ANO6: variants seen among roughly 807,000 people sequenced by gnomAD.
ANO6 encodes anoctamin 6.
A neutral mutation model predicts 117.5 loss-of-function variants in ANO6; 106 were observed. That is an observed-to-expected ratio of 0.90 (90% confidence interval 0.77 to 1.06). The LOEUF (loss-of-function observed/expected upper bound fraction) is 1.06, where lower values mean the gene tolerates loss of function less well. Among genes scored for constraint, ANO6 ranks in the 50% least tolerant of loss-of-function variants. The probability of loss-of-function intolerance (pLI) is 0.00; values close to 1 mark genes in which losing one functional copy is unlikely to be tolerated. For synonymous variants in ANO6, 367 were observed against 385.1 expected, an observed-to-expected ratio of 0.95 and a Z score of 0.55; for missense variants, 955 against 1,121.1, an observed-to-expected ratio of 0.85 and a Z score of 2.12.
At chr12:45,318,102 T>C (rs564818711) in intron 2 of ANO6, among the ~76,000 whole-genome samples, 1 of 152,356 alleles carries the variant, frequency 6.6e-6, no homozygotes, top group East Asian at 1.9e-4. Context: ...TAATTTCTTT[T>C]GCTGTGCAGA....
At chr12:45,319,711 C>T (rs890714347) in intron 2 of ANO6, among the ~76,000 whole-genome samples, 18 of 152,282 alleles carry the variant, frequency 1.2e-4, no homozygotes, top group African/African-American at 4.3e-4. Flanking sequence ...CCTCCTTGTA[C>T]CTCTGGTAGA....
chr12:45,240,353 T>TA, intron 1 of ANO6, among the ~76,000 whole-genome samples: 1 of 28,246 alleles, frequency 3.5e-5, no homozygotes, highest in Non-Finnish European at 6.3e-5. Flanking sequence ...AACCCCTGAT[T>TA]TTTTTTTTTT....
intron 10 of ANO6, among the ~76,000 whole-genome samples, chr12:45,378,874 A>G (rs908206064): frequency 3.3e-5 from 5 of 152,192 alleles, no homozygotes; most frequent in African/African-American, 1.2e-4. Flanking sequence ...TACTCGTATA[A>G]TAACAACAAA....
At chr12:45,249,056 A>G (rs1418933666) in intron 1 of ANO6, among the ~76,000 whole-genome samples, 2 of 152,190 alleles carry the variant, frequency 1.3e-5, no homozygotes, top group Admixed American at 6.5e-5. Flanking sequence ...AATCATCATA[A>G]TATGTGTTGG....
chr12:45,344,772 A>G (rs1026799935), intron 3 of ANO6, among the ~76,000 whole-genome samples: 5 of 152,212 alleles, frequency 3.3e-5, no homozygotes, highest in African/African-American at 1.2e-4. Flanking sequence ...CTGGGCTCCT[A>G]TGTAAGAATC....
intron 2 of ANO6, among the ~76,000 whole-genome samples, chr12:45,310,492 A>C (rs1020831203): frequency 1.3e-5 from 2 of 152,064 alleles, no homozygotes; most frequent in Non-Finnish European, 2.9e-5. Flanking sequence ...GATGATGAAG[A>C]AGCAGTGGTC....
At chr12:45,378,183 G>A in intron 10 of ANO6, 70 bp downstream of exon 10, 1 of 1,464,054 alleles carries the variant, frequency 6.8e-7, no homozygotes. Context: ...GGCTATCAAA[G>A]TAACCCACTT....
At chr12:45,421,587 G>A (rs191310786) in intron 18 of ANO6, among the ~76,000 whole-genome samples, 3 of 152,244 alleles carry the variant, frequency 2.0e-5, no homozygotes, top group Admixed American at 6.5e-5. Context: ...AGTTTCAAAC[G>A]ATTACAGGGA....
chr12:45,388,056 G>A, intron 10 of ANO6, 105 bp from the exon 11 acceptor site: 1 of 1,462,040 alleles, frequency 6.8e-7, no homozygotes, highest in Non-Finnish European at 9.5e-7. Context: ...TTATAGCAGT[G>A]TGAAAACAGG....
intron 17 of ANO6, among the ~76,000 whole-genome samples, chr12:45,419,591 T>C (rs1226650774): frequency 6.6e-6 from 1 of 152,200 alleles, no homozygotes; most frequent in Non-Finnish European, 1.5e-5. Context: ...TGCCTGAGAT[T>C]TGGTTTGTGG....
In ANO6 at chr12:45,429,238, C is replaced by T. The variant is rs762122053; in HGVS notation, c.2660C>T (p.Thr887Met). ...CATGAGAATCACCTCAAAGATATGA[C>T]GAAAAATATGGGGGTGATAGCTGAG... The part of the protein sequence containing the change: ...LLHENHLKDM[T>M]KNMGVIAERM... The change falls in exon 20 of 20, where the codon ACG becomes ATG. Residue 887 changes from threonine (T) to methionine (M), a missense_variant. Thr to Met is a moderately conservative substitution (Grantham distance 81). Coordinates refer to ENST00000320560, the MANE Select transcript of ANO6 (RefSeq NM_001025356.3). 1.2e-5 allele frequency: 19 copies of T among 1,613,492 alleles called. No individual in the cohort carries two copies. Among genetic ancestry groups the T allele is most frequent in the Middle Eastern group, 1.6e-4 (1 of 6,080 alleles).
chr12:45,416,947 C>T, intron 17 of ANO6, 43 bp downstream of exon 17: 2 of 1,589,666 alleles, frequency 1.3e-6, no homozygotes, highest in South Asian at 1.1e-5. Flanking sequence ...CTTGAAGATG[C>T]ATTAGATTTG....
At chr12:45,344,561 A>G (rs574051305) in intron 3 of ANO6, among the ~76,000 whole-genome samples, 1 of 152,190 alleles carries the variant, frequency 6.6e-6, no homozygotes, top group Non-Finnish European at 1.5e-5. Context: ...CACTATCACA[A>G]GAACAGCAAG....
At chr12:45,251,305 G>A (rs777602577) in intron 1 of ANO6, among the ~76,000 whole-genome samples, 1 of 152,192 alleles carries the variant, frequency 6.6e-6, no homozygotes, top group Non-Finnish European at 1.5e-5. Flanking sequence ...CCAAATTCTT[G>A]ATTCTCTGTT....
At chr12:45,272,934 G>T (rs1938437596) in intron 1 of ANO6, among the ~76,000 whole-genome samples, 1 of 152,118 alleles carries the variant, frequency 6.6e-6, no homozygotes, top group African/African-American at 2.4e-5. Flanking sequence ...AATGGATAAA[G>T]AAATTTTGGT....
chr12:45,351,835 G>C (rs527480782), intron 7 of ANO6, among the ~76,000 whole-genome samples: 10 of 152,000 alleles, frequency 6.6e-5, no homozygotes, highest in African/African-American at 2.4e-4. Context: ...GTGAGAAGCA[G>C]TTGTAATATT....
chr12:45,282,933 A>T (rs1395461111), intron 1 of ANO6, among the ~76,000 whole-genome samples: 2 of 152,158 alleles, frequency 1.3e-5, no homozygotes, highest in Non-Finnish European at 2.9e-5. Context: ...TCTCATACAC[A>T]CTTACATTAC....
chr12:45,257,261 T>TCACAAC (rs1452950234), intron 1 of ANO6, among the ~76,000 whole-genome samples: 1 of 152,120 alleles, frequency 6.6e-6, no homozygotes, highest in Non-Finnish European at 1.5e-5. Flanking sequence ...TTCAGATCTG[T>TCACAAC]TCCTAGAGCT....
At chr12:45,271,107 GGA>G (rs1938381493) in intron 1 of ANO6, among the ~76,000 whole-genome samples, 1 of 152,130 alleles carries the variant, frequency 6.6e-6, no homozygotes, top group Non-Finnish European at 1.5e-5. Flanking sequence ...CTGCCTTCCA[GGA>G]GAGAGAGTTT....
Sources: allele counts gnomAD v4.1 joint callset (sites outside exome capture counted in the v4.1 genomes callset), GRCh38; gene constraint gnomAD v4.1.1; transcripts MANE v1.5; gene names NCBI Gene and HGNC (gene_info 2026-07-23, HGNC 2026-07-21).